Variants in ATXN7 observed in about 807,000 individuals in gnomAD.
ATXN7 encodes the protein ataxin-7.
In ATXN7, 12 loss-of-function variants were observed where a neutral mutation model predicts 70.5. The observed-to-expected ratio is 0.17, with a 90% CI of 0.11 to 0.28. ATXN7 has a LOEUF of 0.28. ATXN7 is among the 10% of genes least tolerant of loss of function. The probability of loss-of-function intolerance (pLI) is 1.00; values close to 1 mark genes in which losing one functional copy is unlikely to be tolerated. For synonymous variants in ATXN7, 498 were observed against 448.7 expected (o/e 1.11, Z -1.39); for missense variants, 1,256 against 1,131.7 (o/e 1.11, Z -1.58).
At chr3:63,879,850 G>A (rs75108015) in intron 1 of ATXN7, among the ~76,000 whole-genome samples, 4 of 152,014 alleles carry the variant, frequency 2.6e-5, no homozygotes, top group Non-Finnish European at 4.4e-5. Context: ...TTGGGAGGCC[G>A]AGGCAGGTGG....
intron 4 of ATXN7, among the ~76,000 whole-genome samples, chr3:63,946,440 C>T (rs2074864354): frequency 6.6e-6 from 1 of 151,962 alleles, no homozygotes; most frequent in Non-Finnish European, 1.5e-5. Context: ...GAGATTGAGA[C>T]CATCCTGGCT....
At chr3:63,957,350 C>G (rs1304991625) in intron 5 of ATXN7, among the ~76,000 whole-genome samples, 1 of 152,154 alleles carries the variant, frequency 6.6e-6, no homozygotes, top group African/African-American at 2.4e-5. Flanking sequence ...CATTTGTTCA[C>G]CTTTGGGCTC....
intron 5 of ATXN7, among the ~76,000 whole-genome samples, chr3:63,963,102 G>A (rs1264551551): frequency 6.6e-6 from 1 of 151,642 alleles, no homozygotes; most frequent in Non-Finnish European, 1.5e-5. Context: ...TTTTTGTAGA[G>A]GCAGGGTTTC....
upstream of ATXN7, chr3:63,863,370 T>C: frequency 1.1e-6 from 1 of 902,026 alleles, no homozygotes; most frequent in Non-Finnish European, 1.3e-6. Flanking sequence ...TGTCCACCCT[T>C]CGCGGCTCCT....
Position 64,001,243 on chromosome 3 carries a change from GA to G in ATXN7, c.*1777del, listed in dbSNP as rs2075830329. On this transcript the variant is annotated 3_prime_UTR_variant, in exon 13 of 13. Coordinates refer to ENST00000674280, the MANE Select transcript of ATXN7 (RefSeq NM_001377405.1). ...AAAATACTGATTTTTTTAAAGGAAGGAGAGAACAGTATCTTGTTCAATTATT... is the reference window on the plus strand; with the variant it reads ...AAAATACTGATTTTTTTAAAGGAAGGGAGAACAGTATCTTGTTCAATTATT... 1 of 152,128 alleles carries G rather than the reference GA, an allele frequency of 6.6e-6. No homozygotes were observed. The highest frequency in any genetic ancestry group is 2.1e-4 in the South Asian group (1 of 4,820). 9.4% of individuals were successfully genotyped at this position (152,128 alleles called of 1,614,324 possible).
chr3:63,911,539 C>T (rs2292662), intron 2 of ATXN7: 36,459 of 152,018 alleles, frequency 0.24, 5,346 homozygotes, highest in African/African-American at 0.4. Flanking sequence ...CAGATTTTTA[C>T]TTTTGGGGTG....
chr3:63,897,044 TCATGA>T (rs1366347913), intron 1 of ATXN7, among the ~76,000 whole-genome samples: 1 of 152,238 alleles, frequency 6.6e-6, no homozygotes, highest in East Asian at 1.9e-4. Flanking sequence ...TGAATGCTTA[TCATGA>T]ACATAACATC....
chr3:63,870,957 G>A (rs1051134567), intron 1 of ATXN7, among the ~76,000 whole-genome samples: 1 of 152,134 alleles, frequency 6.6e-6, no homozygotes, highest in Non-Finnish European at 1.5e-5. Context: ...CATCACTGAA[G>A]CTCTGAGGGC....
chr3:63,913,332 C>A, intron 4 of ATXN7, 107 bp downstream of exon 4: 4 of 1,193,676 alleles, frequency 3.4e-6, no homozygotes, highest in Admixed American at 2.2e-5. Context: ...CCCGACTCCC[C>A]GTGCCTGCGA....
chr3:63,895,735 TTCTC>T (rs531627653), intron 1 of ATXN7, among the ~76,000 whole-genome samples: 38 of 151,544 alleles, frequency 2.5e-4, no homozygotes, highest in Admixed American at 9.2e-4. Context: ...CTTTCTCCTT[TTCTC>T]TCTCTCTCTC....
intron 4 of ATXN7, among the ~76,000 whole-genome samples, chr3:63,932,631 A>G (rs1028474792): frequency 1.3e-5 from 2 of 152,208 alleles, no homozygotes; most frequent in East Asian, 3.8e-4. Context: ...CACAGCCTCT[A>G]AACTCCTTGG....
chr3:63,999,598 A>T lies in ATXN7; in HGVS notation c.*131A>T. 1 of 1,500,430 alleles carries T rather than the reference A, an allele frequency of 6.7e-7. No homozygotes were observed. The highest frequency in any genetic ancestry group is 9.1e-7 in the Non-Finnish European group (1 of 1,098,526). The allele number at this position is 1,500,430 out of a possible 1,614,324, so 92.9% of individuals were successfully genotyped here. A position where few individuals can be genotyped will look rare whatever the true frequency, so the allele number is the denominator to read the frequency against. On this transcript the variant is annotated 3_prime_UTR_variant, in exon 13 of 13. Transcript: ENST00000674280. ...ACCTCCTGTGGGCCTCAAGGGTAGA[A>T]ACCTGCCGGGCTGTTGTTTTAACGA...
At chr3:63,897,168 T>C (rs1703473158) in intron 1 of ATXN7, among the ~76,000 whole-genome samples, 1 of 152,164 alleles carries the variant, frequency 6.6e-6, no homozygotes, top group Non-Finnish European at 1.5e-5. Context: ...AGGACAGACA[T>C]GTTGAACAAG....
rs1160447821 is a variant in ATXN7, at chr3:63,924,701, T to TA, written c.394+11478dup. Among the ~76,000 whole-genome samples, 4 of 152,274 alleles carry TA rather than the reference T, an allele frequency of 2.6e-5. No individual in the cohort carries two copies. The South Asian group carries it at 8.3e-4, about 32-fold the overall frequency. ...ACAGTATGAAGGTCATTAATGACCT[T>TA]AATCTGGAGAGTTGGGGAGGCAGAA... On this transcript the variant is annotated intron_variant, in intron 4 of 12. Coordinates refer to ENST00000674280, the MANE Select transcript of ATXN7 (RefSeq NM_001377405.1).
intron 8 of ATXN7, among the ~76,000 whole-genome samples, chr3:63,984,690 T>C (rs769504612): frequency 1.3e-5 from 2 of 152,226 alleles, no homozygotes; most frequent in Admixed American, 6.5e-5. Flanking sequence ...CAAGACAGTA[T>C]TGTTGACTGT....
Position 63,990,840 on chromosome 3 carries a change from C to G in ATXN7, c.1663C>G (p.Leu555Val). ...CALNLMVEKHLNAQLWKKIPP... is the reference protein window; with the variant it reads ...CALNLMVEKHVNAQLWKKIPP... ...CCTCAACCTCATGGTGGAGAAGCAT[C>G]TGAATGCACAGCTATGGAAGTGAGT... The change falls in exon 11 of 13, where the codon CTG (leucine) becomes GTG (valine). Residue 555 changes from leucine (L) to valine (V), a missense_variant. Coordinates refer to ENST00000674280, the MANE Select transcript of ATXN7 (RefSeq NM_001377405.1). 1.2e-6 allele frequency: 2 copies of G among 1,614,244 alleles called. No individual in the cohort carries two copies. The highest frequency in any genetic ancestry group is 8.5e-7 in the Non-Finnish European group (1 of 1,180,046).
intron 4 of ATXN7, among the ~76,000 whole-genome samples, chr3:63,945,261 T>C (rs2074841129): frequency 2.0e-5 from 3 of 152,214 alleles, no homozygotes; most frequent in Admixed American, 2.0e-4. Flanking sequence ...AATTTAACCA[T>C]GCTCACATAG....
chr3:63,955,190 G>T (rs1429378442), intron 5 of ATXN7, among the ~76,000 whole-genome samples: 2 of 152,188 alleles, frequency 1.3e-5, no homozygotes, highest in Non-Finnish European at 2.9e-5. Context: ...TGGCTTGGCA[G>T]GAGATGTGAC....
rs1329871106 is a variant in ATXN7, at chr3:63,982,238, C to T, written c.805C>T (p.Leu269=). The T allele has an allele frequency of 6.2e-7, 1 of 1,614,046 alleles. No homozygotes were observed. The highest frequency in any genetic ancestry group is 1.7e-5 in the Admixed American group (1 of 60,000). ...GATTCATCCGAAAATGGATGGCACA[C>T]TACTGAAATCTGCGGTGGGGCCAAC... ...EKIHPKMDGT[L]LKSAVGPTCP... The change falls in exon 7 of 13, where the codon CTA becomes TTA. Residue 269 remains leucine (L), a synonymous_variant. Coordinates refer to ENST00000674280, the MANE Select transcript of ATXN7 (RefSeq NM_001377405.1).
Sources: allele counts gnomAD v4.1 joint callset (sites outside exome capture counted in the v4.1 genomes callset), GRCh38; gene constraint gnomAD v4.1.1; transcripts MANE v1.5; gene names NCBI Gene and HGNC (gene_info 2026-07-23, HGNC 2026-07-21).